The following BST1 variants were observed in gnomAD, a reference collection of about 807,000 sequenced individuals.
The protein encoded by BST1 is bone marrow stromal cell antigen 1, also known as ADP-ribosyl cyclase/cyclic ADP-ribose hydrolase 2.
In BST1, 49 loss-of-function variants were observed where a neutral mutation model predicts 40.6. The ratio of observed to expected loss-of-function variants is 1.21; its 90% CI spans 0.96 to 1.53. The LOEUF (loss-of-function observed/expected upper bound fraction) is 1.53. BST1 is among the 40% of genes most tolerant of loss of function. The pLI is 0.00. For synonymous variants in BST1, 157 were observed against 159.3 expected, an observed-to-expected ratio of 0.99 and a Z score of 0.11; for missense variants, 423 against 395.9, an observed-to-expected ratio of 1.07 and a Z score of -0.58.
the BST1 span, among the ~76,000 whole-genome samples, chr4:15,773,552 T>G: frequency 6.6e-6 from 1 of 152,212 alleles, no homozygotes; most frequent in Admixed American, 6.5e-5. Flanking sequence ...GGACCATTAT[T>G]AAAATCCCAT....
intron 8 of BST1, chr4:15,723,679 G>A (rs1720948768): frequency 1.1e-6 from 1 of 931,278 alleles, no homozygotes; most frequent in South Asian, 5.0e-5. Context: ...TGTTGTGCAA[G>A]TATTTGTGTA....
chr4:15,711,910 G>C, intron 4 of BST1, 21 bp downstream of exon 4: 2 of 1,600,998 alleles, frequency 1.2e-6, no homozygotes, highest in Non-Finnish European at 1.7e-6. Flanking sequence ...GATGATATCT[G>C]AGTGGTTGAG....
intron 6 of BST1, among the ~76,000 whole-genome samples, chr4:15,717,232 G>A (rs1021234623): frequency 2.6e-5 from 4 of 152,142 alleles, no homozygotes; most frequent in South Asian, 2.1e-4. Flanking sequence ...AAAAAATGAT[G>A]TTATTCAACA....
At chr4:15,722,378 A>G (rs995871185) in intron 7 of BST1, among the ~76,000 whole-genome samples, 4 of 152,170 alleles carry the variant, frequency 2.6e-5, no homozygotes. Flanking sequence ...GATATAATCA[A>G]ATGTCTTGGT....
At chr4:15,731,627 T>A in intron 8 of BST1, 113 bp from the exon 9 acceptor site, 1 of 1,399,146 alleles carries the variant, frequency 7.1e-7, no homozygotes. Context: ...TTGCTGCTCA[T>A]GGCTTCTCGC....
At chr4:15,753,645 C>G in the BST1 span, among the ~76,000 whole-genome samples, 3 of 152,294 alleles carry the variant, frequency 2.0e-5, no homozygotes, top group Non-Finnish European at 4.4e-5. Flanking sequence ...GCTGGAGGTT[C>G]GCAGAGATGG....
chr4:15,771,835 C>G, the BST1 span, among the ~76,000 whole-genome samples: 1 of 152,156 alleles, frequency 6.6e-6, no homozygotes, highest in South Asian at 2.1e-4. Flanking sequence ...TTATACAGGT[C>G]TAGTTAAGTA....
chr4:15,705,423 A>C, intron 1 of BST1, 92 bp from the exon 2 acceptor site: 1 of 1,409,186 alleles, frequency 7.1e-7, no homozygotes, highest in South Asian at 1.4e-5. Flanking sequence ...TATATGAAAA[A>C]TCTCTTGTAA....
downstream of BST1, among the ~76,000 whole-genome samples, chr4:15,738,561 C>T (rs750828681): frequency 3.3e-5 from 5 of 151,972 alleles, no homozygotes; most frequent in Non-Finnish European, 7.4e-5. Flanking sequence ...TGTTGGAAGG[C>T]AAGAGAGTTT....
chr4:15,758,303 T>A, the BST1 span, among the ~76,000 whole-genome samples: 1 of 152,118 alleles, frequency 6.6e-6, no homozygotes, highest in Admixed American at 6.5e-5. Context: ...TTCCGCCCTG[T>A]CTCCTCTAGT....
chr4:15,773,431 A>C, the BST1 span, among the ~76,000 whole-genome samples: 1 of 152,334 alleles, frequency 6.6e-6, no homozygotes, highest in Non-Finnish European at 1.5e-5. Flanking sequence ...TGTCTTTTCT[A>C]ACAACTCTTT....
intron 5 of BST1, 35 bp from the exon 6 acceptor site, chr4:15,715,669 TATC>T (rs1720473119): frequency 2.9e-6 from 4 of 1,360,902 alleles, no homozygotes; most frequent in South Asian, 2.6e-5. Context: ...ATGGAAAAGA[TATC>T]ATATTGCTTT....
chr4:15,741,883 A>G (rs1004565249), downstream of BST1, among the ~76,000 whole-genome samples: 64 of 152,208 alleles, frequency 4.2e-4, no homozygotes, highest in African/African-American at 1.5e-3. Context: ...AGTCTGAGGG[A>G]TTCAGTAGTC....
At chr4:15,714,534 G>T (rs1720401775) in intron 4 of BST1, among the ~76,000 whole-genome samples, 1 of 152,082 alleles carries the variant, frequency 6.6e-6, no homozygotes, top group Non-Finnish European at 1.5e-5. Context: ...TTTACTAATG[G>T]CTGGTTAAGA....
chr4:15,766,574 A>C, the BST1 span, among the ~76,000 whole-genome samples: 1 of 151,888 alleles, frequency 6.6e-6, no homozygotes, highest in Non-Finnish European at 1.5e-5. Flanking sequence ...TACAAGATTC[A>C]GCCTTGCTCG....
At position 15,718,855 on chromosome 4, in the gene BST1, C is replaced by T. The variant is rs562456632; in HGVS notation, c.705-52C>T. On this transcript the variant is annotated intron_variant, in intron 6 of 8. Transcript: ENST00000265016. ...TTATGTTTAACCCAGAAACAACTTC[C>T]TCTTCCTCCTCTTATTTGCTTACTT... is the stretch of plus-strand genomic sequence containing the variant. 54 of 1,497,682 alleles carry T rather than the reference C, an allele frequency of 3.6e-5. No homozygotes were observed. In the Middle Eastern group the frequency reaches 1.0e-3, roughly 29 times the overall value. The allele number at this position is 1,497,682 out of a possible 1,614,324, so 92.8% of individuals were successfully genotyped here.
chr4:15,773,277 C>G, the BST1 span, among the ~76,000 whole-genome samples: 1 of 152,240 alleles, frequency 6.6e-6, no homozygotes, highest in African/African-American at 2.4e-5. Context: ...AAAATTCTAG[C>G]TTGAGTAACT....
the BST1 span, among the ~76,000 whole-genome samples, chr4:15,751,089 A>G: frequency 6.6e-6 from 1 of 152,354 alleles, no homozygotes; most frequent in South Asian, 2.1e-4. Context: ...AATCAGGTGT[A>G]ACAGAGTTCA....
downstream of BST1, among the ~76,000 whole-genome samples, chr4:15,741,837 C>T (rs147239409): frequency 1.8e-4 from 27 of 152,268 alleles, no homozygotes; most frequent in African/African-American, 5.8e-4. Flanking sequence ...TATTATCTCA[C>T]CTTTTACAGT....
Sources: gnomAD v4.1 joint callset for allele counts (sites outside exome capture counted in the v4.1 genomes callset) on GRCh38, gnomAD v4.1.1 for gene constraint, MANE v1.5 for transcripts, NCBI Gene and HGNC (gene_info 2026-07-23, HGNC 2026-07-21) for gene names.